KCND2: variants seen among roughly 807,000 people sequenced by gnomAD.
KCND2 encodes A-type voltage-gated potassium channel KCND2.
In KCND2, 16 loss-of-function variants were observed where a neutral mutation model predicts 54.4. The ratio of observed to expected loss-of-function variants is 0.29; its 90% CI spans 0.20 to 0.45. The LOEUF is 0.45. Ranked by LOEUF, KCND2 falls within the 20% of genes least tolerant of loss-of-function variation. The pLI is 1.00. For synonymous variants in KCND2, 317 were observed against 310.7 expected, an observed-to-expected ratio of 1.02 and a Z score of -0.21; for missense variants, 486 against 824.2, an observed-to-expected ratio of 0.59 and a Z score of 5.02.
At chr7:120,728,990 G>A (rs1477032359) in intron 1 of KCND2, among the ~76,000 whole-genome samples, 1 of 152,114 alleles carries the variant, frequency 6.6e-6, no homozygotes, top group Admixed American at 6.6e-5. Flanking sequence ...ATTTCACCAC[G>A]GTGTCACTTC....
intron 1 of KCND2, among the ~76,000 whole-genome samples, chr7:120,430,992 T>C (rs1225267847): frequency 1.3e-5 from 2 of 152,222 alleles, no homozygotes; most frequent in Non-Finnish European, 2.9e-5. Context: ...ATATCACACA[T>C]AACCTTAAGC....
intron 1 of KCND2, among the ~76,000 whole-genome samples, chr7:120,354,697 G>A (rs1332206758): frequency 6.6e-6 from 1 of 152,210 alleles, no homozygotes; most frequent in Non-Finnish European, 1.5e-5. Context: ...GATGCAGTGA[G>A]CTATGATGGC....
rs113720280 is a variant in KCND2 at position 120,463,941 on chromosome 7, A to C, written c.1115+188194A>C. 3,384 of 368,450 alleles carry C rather than the reference A, an allele frequency of 9.2e-3. 98 individuals are homozygous for C. The highest frequency in any genetic ancestry group is 0.067 in the African/African-American group (2,947 of 43,994). 22.8% of individuals were successfully genotyped at this position (368,450 alleles called of 1,614,324 possible). A position where few individuals can be genotyped will look rare whatever the true frequency, so the allele number is the denominator to read the frequency against. On this transcript the variant is annotated intron_variant, in intron 1 of 5. Coordinates refer to ENST00000331113, the MANE Select transcript of KCND2 (RefSeq NM_012281.3). ...TAGATAGATAGATAGATAGATAGAT[A>C]GATCGACAGATGGATAGATGAATAG... is the stretch of plus-strand genomic sequence containing the variant.
At chr7:120,366,485 TAAA>T (rs550268149) in intron 1 of KCND2, among the ~76,000 whole-genome samples, 3 of 87,140 alleles carry the variant, frequency 3.4e-5, no homozygotes, top group Admixed American at 1.4e-4. Context: ...AAGACTCCAT[TAAA>T]AAAAAAAAAA....
intron 1 of KCND2, among the ~76,000 whole-genome samples, chr7:120,308,449 A>G (rs1799679908): frequency 6.6e-6 from 1 of 152,110 alleles, no homozygotes; most frequent in Non-Finnish European, 1.5e-5. Context: ...ACTTAGCCGG[A>G]TTTTACAATT....
chr7:120,686,172 AT>A (rs1022636781), intron 1 of KCND2, among the ~76,000 whole-genome samples: 2 of 152,134 alleles, frequency 1.3e-5, no homozygotes, highest in Admixed American at 6.5e-5. Flanking sequence ...GGATATTTAG[AT>A]TTTTTCCATA....
At chr7:120,646,576 GA>G (rs1793444975) in intron 1 of KCND2, among the ~76,000 whole-genome samples, 1 of 152,186 alleles carries the variant, frequency 6.6e-6, no homozygotes, top group African/African-American at 2.4e-5. Context: ...AACATGCAGT[GA>G]AAAGGTTTTT....
chr7:120,706,602 A>G (rs1304453516), intron 1 of KCND2, among the ~76,000 whole-genome samples: 1 of 152,172 alleles, frequency 6.6e-6, no homozygotes, highest in East Asian at 1.9e-4. Context: ...ATGCTATCAC[A>G]TTGGCCTGAA....
At chr7:120,569,643 C>T (rs1314521126) in intron 1 of KCND2, among the ~76,000 whole-genome samples, 1 of 151,982 alleles carries the variant, frequency 6.6e-6, no homozygotes, top group Non-Finnish European at 1.5e-5. Context: ...ATAAAGAAAA[C>T]TTTCTTTATG....
intron 1 of KCND2, among the ~76,000 whole-genome samples, chr7:120,459,645 A>G (rs954708253): frequency 1.3e-5 from 2 of 152,176 alleles, no homozygotes; most frequent in Non-Finnish European, 2.9e-5. Flanking sequence ...TATAGTGAAT[A>G]CTCACAACTA....
intron 4 of KCND2, among the ~76,000 whole-genome samples, chr7:120,743,138 G>A (rs1427984025): frequency 6.6e-6 from 1 of 152,150 alleles, no homozygotes; most frequent in East Asian, 1.9e-4. Flanking sequence ...GGGTGCTAAG[G>A]AGTGAGTCTG....
intron 1 of KCND2, among the ~76,000 whole-genome samples, chr7:120,537,775 C>T (rs1791930225): frequency 6.6e-6 from 1 of 152,182 alleles, no homozygotes; most frequent in African/African-American, 2.4e-5. Context: ...TCTTCTGCAG[C>T]TTCCTCACCT....
intron 1 of KCND2, among the ~76,000 whole-genome samples, chr7:120,347,797 T>G (rs1800343149): frequency 6.6e-6 from 1 of 151,660 alleles, no homozygotes; most frequent in Non-Finnish European, 1.5e-5. Flanking sequence ...TAAAGATTAT[T>G]GTAGTCTGTT....
chr7:120,529,874 G>C (rs1273643033), intron 1 of KCND2, among the ~76,000 whole-genome samples: 1 of 152,080 alleles, frequency 6.6e-6, no homozygotes, highest in Non-Finnish European at 1.5e-5. Flanking sequence ...CTTGAGCGCG[G>C]AGCTCAAGAC....
At chr7:120,618,224 A>C (rs747050780) in intron 1 of KCND2, among the ~76,000 whole-genome samples, 1 of 152,338 alleles carries the variant, frequency 6.6e-6, no homozygotes, top group South Asian at 2.1e-4. Flanking sequence ...TGAAACCAGA[A>C]TCCAAATAAG....
chr7:120,409,731 G>A (rs1199949117), intron 1 of KCND2, among the ~76,000 whole-genome samples: 1 of 151,580 alleles, frequency 6.6e-6, no homozygotes, highest in African/African-American at 2.4e-5. Context: ...ATTTGATTGG[G>A]TTGTTTGCCT....
chr7:120,684,085 T>G (rs1224538762), intron 1 of KCND2, among the ~76,000 whole-genome samples: 16 of 152,020 alleles, frequency 1.1e-4, no homozygotes, highest in Admixed American at 1.1e-3. Flanking sequence ...GAAAATGGAG[T>G]ACTTCATCAT....
At chr7:120,642,577 A>T (rs28436087) in intron 1 of KCND2, among the ~76,000 whole-genome samples, 6,732 of 148,516 alleles carry the variant, frequency 0.045, 230 homozygotes, top group African/African-American at 0.098. Flanking sequence ...AATAAAAAAA[A>T]ATATATATAT....
chr7:120,337,092 G>A (rs1164050842), intron 1 of KCND2, among the ~76,000 whole-genome samples: 4 of 151,760 alleles, frequency 2.6e-5, no homozygotes, highest in African/African-American at 4.8e-5. Context: ...TAACTTTAAG[G>A]TTTCTCACAA....
Sources: allele counts gnomAD v4.1 joint callset (sites outside exome capture counted in the v4.1 genomes callset), GRCh38; gene constraint gnomAD v4.1.1; transcripts MANE v1.5; gene names NCBI Gene and HGNC (gene_info 2026-07-23, HGNC 2026-07-21).